Variants in CCDC102B observed in about 807,000 individuals in gnomAD.
CCDC102B encodes coiled-coil domain containing 102B, also known as coiled-coil domain-containing protein 102B.
In CCDC102B, 75 loss-of-function variants were observed where a neutral mutation model predicts 57.4. The observed-to-expected ratio is 1.31, with a 90% CI of 1.08 to 1.58. The LOEUF is 1.58. Ranked by LOEUF, CCDC102B falls within the 40% of genes most tolerant of loss-of-function variation. The pLI is 0.00. For synonymous variants in CCDC102B, 206 were observed against 201.9 expected (o/e 1.02, Z -0.17); for missense variants, 636 against 582.6 (o/e 1.09, Z -0.94).
chr18:68,771,699 CAG>C (rs1465468907), intron 2 of CCDC102B, among the ~76,000 whole-genome samples: 1 of 152,094 alleles, frequency 6.6e-6, no homozygotes, highest in Non-Finnish European at 1.5e-5. Context: ...TATCTGCTAA[CAG>C]AATATCAATT....
At chr18:68,906,927 T>C (rs867841099) in intron 6 of CCDC102B, among the ~76,000 whole-genome samples, 1 of 146,300 alleles carries the variant, frequency 6.8e-6, no homozygotes, top group Non-Finnish European at 1.5e-5. Flanking sequence ...TTTCTGATAC[T>C]TTTATACTTT....
intron 6 of CCDC102B, among the ~76,000 whole-genome samples, chr18:68,936,746 C>CATATAT (rs147923317): frequency 1.1e-4 from 16 of 148,914 alleles, no homozygotes; most frequent in East Asian, 4.0e-4. Flanking sequence ...GGACAACTTT[C>CATATAT]ATATATATAT....
intron 4 of CCDC102B, among the ~76,000 whole-genome samples, chr18:68,851,593 T>A (rs1194774976): frequency 6.6e-6 from 1 of 152,186 alleles, no homozygotes; most frequent in Non-Finnish European, 1.5e-5. Flanking sequence ...CTGAGATGAC[T>A]TACTTTAAGA....
intron 6 of CCDC102B, among the ~76,000 whole-genome samples, chr18:68,955,341 C>G (rs1182833505): frequency 1.3e-5 from 2 of 152,082 alleles, no homozygotes; most frequent in African/African-American, 2.4e-5. Context: ...TTTTGCATAG[C>G]TACATAATTT....
intron 1 of CCDC102B, among the ~76,000 whole-genome samples, chr18:68,802,313 C>T (rs2035883870): frequency 6.6e-6 from 1 of 152,082 alleles, no homozygotes; most frequent in African/African-American, 2.4e-5. Flanking sequence ...GCCCAGGCTT[C>T]TTCATTCTTT....
intron 7 of CCDC102B, chr18:69,011,367 T>C (rs1428849669): frequency 3.3e-5 from 1 of 29,870 alleles, no homozygotes; most frequent in Non-Finnish European, 5.4e-5. Flanking sequence ...TGCGCATGTG[T>C]GTGTGTGTGT....
intron 7 of CCDC102B, among the ~76,000 whole-genome samples, chr18:69,027,344 G>C (rs2052020368): frequency 6.6e-6 from 1 of 152,080 alleles, no homozygotes; most frequent in South Asian, 2.1e-4. Flanking sequence ...TTCCTAATAA[G>C]TCATAAAACT....
intron 6 of CCDC102B, among the ~76,000 whole-genome samples, chr18:69,003,877 G>A (rs1404381034): frequency 6.6e-6 from 1 of 152,066 alleles, no homozygotes; most frequent in Non-Finnish European, 1.5e-5. Flanking sequence ...ATTAGTGGAT[G>A]CTCAACAAAT....
chr18:68,866,434 A>G (rs2038983321), intron 4 of CCDC102B: 1 of 152,538 alleles, frequency 6.6e-6, no homozygotes, highest in African/African-American at 2.4e-5. Context: ...TGTTTTTAAG[A>G]TATCATTGCT....
intron 6 of CCDC102B, among the ~76,000 whole-genome samples, chr18:68,997,418 A>G (rs999310889): frequency 2.6e-5 from 4 of 152,116 alleles, no homozygotes; most frequent in Admixed American, 2.0e-4. Flanking sequence ...GCCGCCCTTT[A>G]TTTATCGGTA....
intron 1 of CCDC102B, among the ~76,000 whole-genome samples, chr18:68,814,585 G>A (rs1321740723): frequency 6.6e-6 from 1 of 151,944 alleles, no homozygotes; most frequent in Non-Finnish European, 1.5e-5. Flanking sequence ...TTAAAATATA[G>A]CAATTTTCTC....
At chr18:68,942,388 G>A (rs1179636260) in intron 6 of CCDC102B, among the ~76,000 whole-genome samples, 2 of 151,952 alleles carry the variant, frequency 1.3e-5, no homozygotes, top group Non-Finnish European at 2.9e-5. Flanking sequence ...CCAGGGGACC[G>A]GTGCTCAGCA....
chr18:69,048,787 C>T (rs73457728), intron 7 of CCDC102B, among the ~76,000 whole-genome samples: 1 of 151,914 alleles, frequency 6.6e-6, no homozygotes, highest in Admixed American at 6.6e-5. Context: ...TAACATTTAA[C>T]TTGATTTCAC....
intron 1 of CCDC102B, among the ~76,000 whole-genome samples, chr18:68,816,149 T>C (rs2036464802): frequency 6.6e-6 from 1 of 152,218 alleles, no homozygotes; most frequent in Non-Finnish European, 1.5e-5. Context: ...ACTGAAGATT[T>C]GGTACTAGTA....
At chr18:68,812,640 G>A (rs2036312347) in intron 1 of CCDC102B, among the ~76,000 whole-genome samples, 1 of 152,144 alleles carries the variant, frequency 6.6e-6, no homozygotes, top group South Asian at 2.1e-4. Context: ...ATATCAAGAG[G>A]AGGCAAAATA....
chr18:68,797,625 C>A (rs1045292856), upstream of CCDC102B, among the ~76,000 whole-genome samples: 3 of 152,002 alleles, frequency 2.0e-5, no homozygotes, highest in African/African-American at 4.8e-5. Context: ...ATACTCAAAT[C>A]TTTTATTAAA....
At chr18:68,764,396 G>A (rs949306509) in intron 2 of CCDC102B, among the ~76,000 whole-genome samples, 1 of 152,144 alleles carries the variant, frequency 6.6e-6, no homozygotes, top group Non-Finnish European at 1.5e-5. Flanking sequence ...TTACAGATAA[G>A]TAGCTAAGGC....
intron 1 of CCDC102B, among the ~76,000 whole-genome samples, chr18:68,825,400 A>T (rs2036867947): frequency 1.3e-5 from 2 of 152,194 alleles, no homozygotes; most frequent in Non-Finnish European, 2.9e-5. Flanking sequence ...AAGTTTAAAA[A>T]TTTTTTCAGT....
At chr18:68,792,035 G>T (rs992878167) in intron 2 of CCDC102B, among the ~76,000 whole-genome samples, 8 of 152,070 alleles carry the variant, frequency 5.3e-5, no homozygotes, top group Non-Finnish European at 1.0e-4. Context: ...GCATTATCTG[G>T]TCCAAAGGTC....
Sources: allele counts gnomAD v4.1 joint callset (sites outside exome capture counted in the v4.1 genomes callset), GRCh38; gene constraint gnomAD v4.1.1; transcripts MANE v1.5; gene names NCBI Gene and HGNC (gene_info 2026-07-23, HGNC 2026-07-21).